PTOV1: variants seen among roughly 807,000 people sequenced by gnomAD.
PTOV1 encodes the protein PTOV1 extended AT-hook containing adaptor protein.
Under a neutral mutation model 58.0 loss-of-function variants are expected in PTOV1, and 20 were observed. The ratio of observed to expected loss-of-function variants is 0.34; its 90% CI spans 0.24 to 0.50. The LOEUF (loss-of-function observed/expected upper bound fraction) is 0.50, where lower values mean the gene tolerates loss of function less well. PTOV1 is among the 20% of genes least tolerant of loss of function. The pLI, the probability that PTOV1 is intolerant of heterozygous loss-of-function variation, is 0.98. For synonymous variants in PTOV1, 335 were observed against 234.2 expected (o/e 1.43, Z -3.93); for missense variants, 593 against 565.4 (o/e 1.05, Z -0.50).
chr19:49,851,962 G>C, intron 1 of PTOV1: 1 of 985,274 alleles, frequency 1.0e-6, no homozygotes, highest in Non-Finnish European at 1.2e-6. Flanking sequence ...CGGCCGCTCC[G>C]TGCCCGTGGA....
intron 10 of PTOV1, 110 bp from the exon 11 acceptor site, chr19:49,859,876 A>G: frequency 8.4e-7 from 1 of 1,195,924 alleles, no homozygotes; most frequent in Non-Finnish European, 1.2e-6. Context: ...GTGTGAGGAC[A>G]GAGCAGTTAG....
chr19:49,851,734 G>C lies in PTOV1; in HGVS notation c.171+235G>C, dbSNP rs111519423. 7.6e-3 allele frequency: 8,467 copies of C among 1,119,762 alleles called. 48 individuals are homozygous for C. The highest frequency in any genetic ancestry group is 8.6e-3 in the Non-Finnish European group (7,880 of 916,326). 69.4% of individuals were successfully genotyped at this position (1,119,762 alleles called of 1,614,324 possible). On this transcript the variant is annotated intron_variant, in intron 1 of 11. Coordinates refer to ENST00000391842, the Ensembl canonical transcript of PTOV1. ...GGGTTGGGGGACGGGGGCGGGGCGGGCTCATATTACTGCTGACTCCGCGGC... is the reference window on the plus strand; with the variant it reads ...GGGTTGGGGGACGGGGGCGGGGCGGCCTCATATTACTGCTGACTCCGCGGC...
chr19:49,858,690 C>A, intron 10 of PTOV1, 37 bp downstream of exon 10: 2 of 1,530,652 alleles, frequency 1.3e-6, no homozygotes, highest in African/African-American at 1.4e-5. Flanking sequence ...AGGGGCCGGC[C>A]AGGGCAGAGC....
intron 5 of PTOV1, 96 bp from the exon 6 acceptor site, chr19:49,856,879 T>C: frequency 6.9e-7 from 1 of 1,449,470 alleles, no homozygotes. Context: ...CCACCGATGA[T>C]CTCCCTTCAT....
At chr19:49,851,541 C>T in intron 1 of PTOV1, 42 bp downstream of exon 1, 3 of 1,034,018 alleles carry the variant, frequency 2.9e-6, no homozygotes, top group Non-Finnish European at 3.6e-6. Context: ...CACGGCCCCG[C>T]CCCCCCAGCC....
intron 10 of PTOV1, among the ~76,000 whole-genome samples, chr19:49,859,447 C>T (rs865908335): frequency 3.3e-5 from 5 of 150,672 alleles, no homozygotes; most frequent in Admixed American, 2.6e-4. Flanking sequence ...AAAAATTAGC[C>T]AGGCATGATG....
Position 49,860,027 on chromosome 19 carries a change from C to T in PTOV1, c.1083C>T (p.Ile361=), listed in dbSNP as rs878894160. ...TTTCCTACAAAGCATCGTGTGAGAT[C>T]CGCGTGCTTATGCTCCTGTACTCTT... Residue 361 remains isoleucine, a synonymous_variant, in exon 11 of 12, where the codon ATC becomes ATT. Coordinates refer to ENST00000391842, the Ensembl canonical transcript of PTOV1. 1.9e-6 allele frequency: 3 copies of T among 1,614,200 alleles called. No individual in the cohort carries two copies. The South Asian group carries it at 3.3e-5, about 18-fold the overall frequency.
intron 9 of PTOV1, 91 bp downstream of exon 9, chr19:49,858,205 G>A: frequency 2.0e-6 from 3 of 1,479,570 alleles, no homozygotes; most frequent in African/African-American, 1.4e-5. Context: ...CAGGTGGCCT[G>A]AGCTGGCTGT....
At chr19:49,856,498 C>T (rs2074474027) in intron 5 of PTOV1, 3 of 171,480 alleles carry the variant, frequency 1.7e-5, no homozygotes, top group Admixed American at 5.5e-5. Flanking sequence ...CAAGAGGCAC[C>T]AGCACTTTAT....
chr19:49,857,876 G>GGGCTC, intron 7 of PTOV1, 28 bp from the exon 8 acceptor site: 2 of 1,612,884 alleles, frequency 1.2e-6, no homozygotes, highest in Non-Finnish European at 1.7e-6. Context: ...CCAGCCCTGA[G>GGGCTC]GGCTCCTCTT....
chr19:49,858,067 C>T lies in PTOV1; in HGVS notation c.889C>T (p.Gln297Ter). 6.2e-7 allele frequency: 1 copy of T among 1,614,062 alleles called. No homozygotes were observed. The highest frequency in any genetic ancestry group is 8.5e-7 in the Non-Finnish European group (1 of 1,180,002). Residue 297 changes from glutamine to a stop codon, truncating the protein, a stop_gained, in exon 9 of 12, where the codon CAG becomes TAG. Transcript: ENST00000391842. LOFTEE classifies it high-confidence loss of function. ...CTTTGTGCCCCACAGGAGGACCGAG[C>T]AGTGGCCAAGGAAGCTGTACATGCA...
At chr19:49,858,081 G>A in exon 9 of PTOV1, 3 of 1,614,026 alleles carry the variant, frequency 1.9e-6, no homozygotes, top group Non-Finnish European at 2.5e-6. Flanking sequence ...GGCCAAGGAA[G>A]CTGTACATGC....
At position 49,851,235 on chromosome 19, in the gene PTOV1, G is replaced by T. The variant is rs892156338; in HGVS notation, c.-94G>T. 8.8e-6 allele frequency: 10 copies of T among 1,138,224 alleles called. No homozygotes were observed. The African/African-American group carries it at 9.8e-5, about 11-fold the overall frequency. The allele number at this position is 1,138,224 out of a possible 1,614,324, so 70.5% of individuals were successfully genotyped here. A position where few individuals can be genotyped will look rare whatever the true frequency, so the allele number is the denominator to read the frequency against. ...TACGGCTCAGCCCGTCTCCCCCGAA[G>T]CCGCGCGCCCGCGCCCGCGCCCCTC... On this transcript the variant is annotated 5_prime_UTR_variant, in exon 1 of 12. Coordinates refer to ENST00000391842, the Ensembl canonical transcript of PTOV1.
At chr19:49,853,747 G>A (rs1297505735) in intron 1 of PTOV1, among the ~76,000 whole-genome samples, 2 of 152,216 alleles carry the variant, frequency 1.3e-5, no homozygotes, top group East Asian at 1.9e-4. Flanking sequence ...TCTGGGGGTG[G>A]TGTCCCAGCT....
chr19:49,858,901 T>C, intron 10 of PTOV1: 2 of 442,508 alleles, frequency 4.5e-6, no homozygotes, highest in Non-Finnish European at 8.3e-6. Context: ...CAGCACCAAC[T>C]CCGCGCTCTC....
upstream of PTOV1, chr19:49,850,945 C>T (rs1467291308): frequency 9.1e-6 from 14 of 1,535,818 alleles, no homozygotes; most frequent in Non-Finnish European, 1.2e-5. Flanking sequence ...GTTCTTCTGC[C>T]ACCCCATTCG....
chr19:49,859,614 T>G lies in PTOV1; in HGVS notation c.1042-372T>G, dbSNP rs374339237. On this transcript the variant is annotated intron_variant, in intron 10 of 11. Coordinates refer to ENST00000391842, the Ensembl canonical transcript of PTOV1. ...TTTCCTCAAGGAAACCCAGAAAGGCTCCATGTACCTCAGCCCTTGCTTGTG... is the reference window on the plus strand; with the variant it reads ...TTTCCTCAAGGAAACCCAGAAAGGCGCCATGTACCTCAGCCCTTGCTTGTG... Among the ~76,000 whole-genome samples the G allele has an allele frequency of 8.6e-5, 13 of 150,794 alleles. No homozygotes were observed. In the East Asian group the frequency reaches 2.1e-3, roughly 25 times the overall value.
chr19:49,860,075 C>G, exon 11 of PTOV1: 1 of 1,614,224 alleles, frequency 6.2e-7, no homozygotes, highest in Non-Finnish European at 8.5e-7. Context: ...TCTTCATTGG[C>G]CTCATCCCCC....
At chr19:49,860,444 G>C in exon 12 of PTOV1, 3 of 1,096,974 alleles carry the variant, frequency 2.7e-6, no homozygotes, top group Admixed American at 2.7e-5. Context: ...AGAGCAGAGG[G>C]AGAGGCAGCA....
Sources: gnomAD v4.1 joint callset for allele counts (sites outside exome capture counted in the v4.1 genomes callset) on GRCh38, gnomAD v4.1.1 for gene constraint, MANE v1.5 for transcripts, NCBI Gene and HGNC (gene_info 2026-07-23, HGNC 2026-07-21) for gene names.